Variants in SLC12A3 observed in about 807,000 individuals in gnomAD.
The protein encoded by SLC12A3 is solute carrier family 12 member 3.
SLC12A3 carries 104 observed loss-of-function variants against 121.0 expected under a neutral mutation model. The ratio of observed to expected loss-of-function variants is 0.86; its 90% CI spans 0.73 to 1.01. SLC12A3 has a LOEUF of 1.01. SLC12A3 is among the 50% of genes least tolerant of loss of function. SLC12A3 has a pLI of 0.00. For synonymous variants in SLC12A3, 536 were observed against 533.4 expected (o/e 1.00, Z -0.07); for missense variants, 1,328 against 1,356.3 (o/e 0.98, Z 0.33).
intron 6 of SLC12A3, among the ~76,000 whole-genome samples, chr16:56,870,949 C>T (rs575214838): frequency 6.6e-6 from 1 of 152,248 alleles, no homozygotes. Context: ...ATTCTCCTGC[C>T]TCAGCCTCCC....
chr16:56,882,037 A>G (rs2055247120), intron 12 of SLC12A3, among the ~76,000 whole-genome samples: 1 of 142,310 alleles, frequency 7.0e-6, no homozygotes. Flanking sequence ...TGACAGAGCG[A>G]GAGTCCGTCT....
chr16:56,892,364 T>C (rs2055400492), intron 20 of SLC12A3, among the ~76,000 whole-genome samples: 1 of 152,068 alleles, frequency 6.6e-6, no homozygotes, highest in African/African-American at 2.4e-5. Flanking sequence ...ATCCCAGCAC[T>C]GTGGGAGGCT....
intron 21 of SLC12A3, 95 bp downstream of exon 21, chr16:56,893,149 A>T: frequency 9.7e-7 from 1 of 1,030,700 alleles, no homozygotes; most frequent in South Asian, 1.4e-5. Flanking sequence ...CTCAAAGGGG[A>T]CAGGGGCTCC....
chr16:56,884,308 C>A, intron 14 of SLC12A3, 104 bp downstream of exon 14: 1 of 1,189,640 alleles, frequency 8.4e-7, no homozygotes, highest in Non-Finnish European at 1.2e-6. Flanking sequence ...CGGCTCTGTG[C>A]TGTCCAGGGC....
chr16:56,895,408 G>C (rs1243293516), intron 22 of SLC12A3, among the ~76,000 whole-genome samples: 2 of 150,630 alleles, frequency 1.3e-5, no homozygotes, highest in Non-Finnish European at 3.0e-5. Context: ...TGGCTAGGCT[G>C]GTCTCGAACT....
chr16:56,903,736 A>C (rs2055569665), intron 24 of SLC12A3, among the ~76,000 whole-genome samples: 1 of 150,284 alleles, frequency 6.7e-6, no homozygotes, highest in South Asian at 2.1e-4. Context: ...GGTTGGAAGG[A>C]GTCTCCCACC....
intron 4 of SLC12A3, 54 bp downstream of exon 4, chr16:56,869,878 G>A (rs1312720582): frequency 6.6e-7 from 1 of 1,523,002 alleles, no homozygotes; most frequent in African/African-American, 1.4e-5. Flanking sequence ...CCTAATCCTG[G>A]GAACAGGACT....
chr16:56,869,705 C>T, intron 3 of SLC12A3, 24 bp from the exon 4 acceptor site: 1 of 1,608,352 alleles, frequency 6.2e-7, no homozygotes, highest in Non-Finnish European at 8.5e-7. Context: ...AATGCCCTGC[C>T]TAAGCTTTGG....
chr16:56,910,143 T>C (rs1166632511), intron 25 of SLC12A3, among the ~76,000 whole-genome samples: 2 of 152,200 alleles, frequency 1.3e-5, no homozygotes, highest in African/African-American at 2.4e-5. Context: ...TGGGCCTCTA[T>C]ATGGTACTCA....
chr16:56,881,637 T>C (rs2055241625), intron 12 of SLC12A3, among the ~76,000 whole-genome samples: 2 of 151,728 alleles, frequency 1.3e-5, no homozygotes, highest in Admixed American at 6.6e-5. Context: ...CTGGGGGCAG[T>C]AGCAGGGGAG....
rs2055295936 is a variant in SLC12A3, at chr16:56,885,325, T to G, written c.1886T>G (p.Val629Gly). 1.3e-6 allele frequency: 2 copies of G among 1,555,452 alleles called. No individual in the cohort carries two copies. The highest frequency in any genetic ancestry group is 1.9e-5 in the Admixed American group (1 of 51,480). The part of the protein sequence containing the change: ...GSYNLALSYS[V>G]GLNEVEDHIK... ...TACAACCTGGCCCTCAGCTACTCGG[T>G]GGGCCTCAATGAGGTGGAAGACCAC... The change falls in exon 15 of 26, where the codon GTG (valine) becomes GGG (glycine). Residue 629 changes from valine to glycine, a missense_variant. Transcript: ENST00000563236.
At chr16:56,900,817 C>A (rs2055528191) in intron 23 of SLC12A3, among the ~76,000 whole-genome samples, 1 of 152,220 alleles carries the variant, frequency 6.6e-6, no homozygotes, top group Non-Finnish European at 1.5e-5. Flanking sequence ...AGGCGTGAGC[C>A]ACTGCGCCCA....
intron 22 of SLC12A3, among the ~76,000 whole-genome samples, chr16:56,894,952 A>G (rs1163629198): frequency 6.6e-6 from 1 of 152,124 alleles, no homozygotes; most frequent in Non-Finnish European, 1.5e-5. Context: ...AACAAGAAGC[A>G]TAAAAATAAG....
intron 25 of SLC12A3, among the ~76,000 whole-genome samples, chr16:56,912,240 A>G (rs542369208): frequency 1.1e-4 from 16 of 152,374 alleles, no homozygotes; most frequent in African/African-American, 3.8e-4. Context: ...GCTGGAGCCC[A>G]CAGACCCTCC....
Position 56,879,153 on chromosome 16 carries a change from T to C in SLC12A3, c.1261T>C (p.Cys421Arg), listed in dbSNP as rs28936387. 6 of 1,613,712 alleles carry C rather than the reference T, an allele frequency of 3.7e-6. No individual in the cohort carries two copies. Among genetic ancestry groups the C allele is most frequent in the Non-Finnish European group, 5.1e-6 (6 of 1,180,028 alleles). The change falls in exon 10 of 26, where the codon TGC becomes CGC. Residue 421 changes from cysteine to arginine, a missense_variant. Cys to Arg is a radical substitution (Grantham distance 180). Coordinates refer to ENST00000563236, the MANE Select transcript of SLC12A3 (RefSeq NM_001126108.2). ...PGWGACEGLA[C>R]SYGWNFTECT... is the part of the protein sequence containing the mutation. ...CTGGGGTGCCTGCGAGGGGCTGGCCTGCAGCTATGGCTGGAACTTCACCGA... is the reference window on the plus strand; with the variant it reads ...CTGGGGTGCCTGCGAGGGGCTGGCCCGCAGCTATGGCTGGAACTTCACCGA...
chr16:56,865,441 A>G lies in SLC12A3; in HGVS notation c.206A>G (p.His69Arg). ...ATCGATGTGGTGCCCACATATGAGCACTATGCCAACAGCACCCAGCCTGGT... is the reference window on the plus strand; with the variant it reads ...ATCGATGTGGTGCCCACATATGAGCGCTATGCCAACAGCACCCAGCCTGGT... ...NTIDVVPTYE[H>R]YANSTQPGEP... The change falls in exon 1 of 26, where the codon CAC becomes CGC. Residue 69 changes from histidine (H) to arginine (R), a missense_variant. By Grantham distance (29) the His-to-Arg change is conservative. Coordinates refer to ENST00000563236, the MANE Select transcript of SLC12A3 (RefSeq NM_001126108.2). 2 of 1,614,180 alleles carry G rather than the reference A, an allele frequency of 1.2e-6. No homozygotes were observed. The highest frequency in any genetic ancestry group is 1.7e-6 in the Non-Finnish European group (2 of 1,180,036).
intron 8 of SLC12A3, 36 bp downstream of exon 8, chr16:56,872,822 C>A: frequency 6.2e-7 from 1 of 1,613,032 alleles, no homozygotes. Flanking sequence ...TGTCCTGGCA[C>A]TGCACAGGGG....
chr16:56,870,041 C>T, intron 4 of SLC12A3, 55 bp from the exon 5 acceptor site: 1 of 1,605,358 alleles, frequency 6.2e-7, no homozygotes, highest in South Asian at 1.1e-5. Context: ...TGCCCTGAGT[C>T]CACCCCAGCC....
intron 8 of SLC12A3, among the ~76,000 whole-genome samples, chr16:56,873,099 GC>G (rs2055120410): frequency 6.6e-6 from 1 of 152,208 alleles, no homozygotes; most frequent in South Asian, 2.1e-4. Context: ...CCTTGCTCAT[GC>G]ACATCTTTGC....
Sources: allele counts gnomAD v4.1 joint callset (sites outside exome capture counted in the v4.1 genomes callset), GRCh38; gene constraint gnomAD v4.1.1; transcripts MANE v1.5; gene names NCBI Gene and HGNC (gene_info 2026-07-23, HGNC 2026-07-21).